Variants in ABCA12 observed in about 807,000 individuals in gnomAD.
ABCA12 encodes ATP binding cassette subfamily A member 12, also known as glucosylceramide transporter ABCA12.
ABCA12 carries 156 observed loss-of-function variants against 293.5 expected under a neutral mutation model. The ratio of observed to expected loss-of-function variants is 0.53; its 90% CI spans 0.47 to 0.61. The LOEUF (loss-of-function observed/expected upper bound fraction) is 0.61. Ranked by LOEUF, ABCA12 falls within the 20% of genes least tolerant of loss-of-function variation. The pLI is 0.00. For synonymous variants in ABCA12, 1,063 were observed against 1,108.0 expected (o/e 0.96, Z 0.81); for missense variants, 2,797 against 3,090.2 (o/e 0.91, Z 2.25).
In ABCA12 at chr2:214,989,613, C is replaced by A. The variant is rs1159233704; in HGVS notation, c.3633G>T (p.Leu1211=). ...SYVLKVFMSL[L]SPTAFSYASQ... is the part of the protein sequence containing the mutation. ...TTGCATAGCTGAATGCTGTTGGGGA[C>A]AGCAGGCTCTGTGAAGAAAGGAAAC... Residue 1211 remains leucine (L), a synonymous_variant, in exon 25 of 53, where the codon CTG becomes CTT. Transcript: ENST00000272895. 6.2e-7 allele frequency: 1 copy of A among 1,613,928 alleles called. No individual in the cohort carries two copies.
intron 15 of ABCA12, among the ~76,000 whole-genome samples, chr2:215,014,637 G>A (rs2106005941): frequency 6.6e-6 from 1 of 152,186 alleles, no homozygotes; most frequent in South Asian, 2.1e-4. Flanking sequence ...AGGGGTAGAG[G>A]GTAGGTGTGG....
chr2:215,030,524 A>AAGCCG (rs752910746), intron 9 of ABCA12, among the ~76,000 whole-genome samples: 2 of 151,806 alleles, frequency 1.3e-5, no homozygotes, highest in African/African-American at 2.4e-5. Flanking sequence ...GAATGGCGTG[A>AAGCCG]AGCCGGGAGG....
intron 7 of ABCA12, among the ~76,000 whole-genome samples, chr2:215,039,351 G>A (rs1189304856): frequency 6.6e-6 from 1 of 152,202 alleles, no homozygotes; most frequent in Non-Finnish European, 1.5e-5. Flanking sequence ...ACAGTCATTT[G>A]TGAGAAAATT....
rs1308413993 is a variant in ABCA12 at position 215,026,808 on chromosome 2, G to T, written c.1180+12C>A. 2 of 1,565,578 alleles carry T rather than the reference G, an allele frequency of 1.3e-6. No individual in the cohort carries two copies. The highest frequency in any genetic ancestry group is 3.3e-5 in the Admixed American group (2 of 59,942). ...CCATGAGCAGCATTTTGACTGTTAA[G>T]AACAGTATTACCTGGTGAACCTCTG... On this transcript the variant is annotated intron_variant, in intron 10 of 52. Coordinates refer to ENST00000272895, the MANE Select transcript of ABCA12 (RefSeq NM_173076.3).
intron 1 of ABCA12, among the ~76,000 whole-genome samples, chr2:215,125,865 C>T (rs1046658954): frequency 9.2e-5 from 14 of 152,122 alleles, no homozygotes; most frequent in Non-Finnish European, 2.1e-4. Context: ...ACATCCTTGT[C>T]TTGTTCCAGT....
chr2:215,025,437 A>C, intron 11 of ABCA12: 1 of 453,160 alleles, frequency 2.2e-6, no homozygotes, highest in South Asian at 2.3e-5. Flanking sequence ...CTGGAATTAC[A>C]GGCATGAGCC....
In ABCA12 at chr2:214,950,699, T is replaced by C. The variant is rs113858160; in HGVS notation, c.6852+180A>G. ...TTTCTATTTTCAGTAGAGACGTGGT[T>C]TCACCATGTTGGCCAGGCTGGTCTC... On this transcript the variant is annotated intron_variant, in intron 45 of 52. Coordinates refer to ENST00000272895, the MANE Select transcript of ABCA12 (RefSeq NM_173076.3). Among the ~76,000 whole-genome samples, 3,480 of 151,950 alleles carry C rather than the reference T, an allele frequency of 0.023. 142 individuals carry two copies. The highest frequency in any genetic ancestry group is 0.079 in the African/African-American group (3,259 of 41,398).
At chr2:214,947,048 A>C (rs1698602717) in intron 48 of ABCA12, among the ~76,000 whole-genome samples, 1 of 152,172 alleles carries the variant, frequency 6.6e-6, no homozygotes. Context: ...TTACCTACTC[A>C]GTTCCTAACA....
At chr2:215,113,582 G>A (rs1278811374) in intron 1 of ABCA12, among the ~76,000 whole-genome samples, 2 of 152,164 alleles carry the variant, frequency 1.3e-5, no homozygotes, top group African/African-American at 2.4e-5. Context: ...GGATCTAGAT[G>A]TATGCCACCC....
chr2:214,967,070 T>C (rs546624770), intron 38 of ABCA12, 117 bp from the exon 39 acceptor site: 6 of 875,752 alleles, frequency 6.9e-6, no homozygotes, highest in South Asian at 5.8e-5. Context: ...TTCCAATAAT[T>C]TATTTTATCT....
Position 214,981,570 on chromosome 2 carries a change from C to T in ABCA12, c.4579+617G>A, listed in dbSNP as rs531722461. On this transcript the variant is annotated intron_variant, in intron 30 of 52. Coordinates refer to ENST00000272895, the MANE Select transcript of ABCA12 (RefSeq NM_173076.3). ...AGTGCTCAACTCACAGCGGGCAGTA[C>T]ATAGATATTAACCAATTGACCCAGA... Among the ~76,000 whole-genome samples, 128 of 152,170 alleles carry T rather than the reference C, an allele frequency of 8.4e-4. 1 individual carries two copies. Among genetic ancestry groups the T allele is most frequent in the Non-Finnish European group, 1.6e-3 (110 of 68,014 alleles).
chr2:214,991,774 C>T (rs532822011), intron 23 of ABCA12, among the ~76,000 whole-genome samples: 10 of 152,278 alleles, frequency 6.6e-5, no homozygotes, highest in Admixed American at 1.3e-4. Context: ...GAGGCCAAGG[C>T]GTTCCACAAG....
chr2:214,970,129 C>T, intron 37 of ABCA12, 144 bp downstream of exon 37: 2 of 766,872 alleles, frequency 2.6e-6, no homozygotes, highest in Non-Finnish European at 3.9e-6. Flanking sequence ...ATTTACATTT[C>T]AATATATAAG....
chr2:215,057,089 C>G (rs1428042497), intron 3 of ABCA12, among the ~76,000 whole-genome samples: 2 of 151,952 alleles, frequency 1.3e-5, no homozygotes, highest in East Asian at 3.9e-4. Flanking sequence ...AGTATAGGAC[C>G]ATAAGATCTG....
At chr2:214,984,250 C>A (rs541967784) in intron 28 of ABCA12, among the ~76,000 whole-genome samples, 2 of 152,154 alleles carry the variant, frequency 1.3e-5, no homozygotes, top group Admixed American at 6.5e-5. Flanking sequence ...GCATGTGCCA[C>A]CACGCCCGGC....
At position 215,055,578 on chromosome 2, in the gene ABCA12, G is replaced by A. The variant is rs868071320; in HGVS notation, c.318-914C>T. Among the ~76,000 whole-genome samples, 22 of 151,972 alleles carry A rather than the reference G, an allele frequency of 1.4e-4. No individual in the cohort carries two copies. In the South Asian group the frequency reaches 2.9e-3, roughly 20 times the overall value. On this transcript the variant is annotated intron_variant, in intron 3 of 52. Coordinates refer to ENST00000272895, the MANE Select transcript of ABCA12 (RefSeq NM_173076.3). ...GTTATTTATAAAAACCTTAAGGTACGTAACAATGGCTATAAAAAGATAATG... is the reference window on the plus strand; with the variant it reads ...GTTATTTATAAAAACCTTAAGGTACATAACAATGGCTATAAAAAGATAATG...
chr2:214,969,253 T>C (rs1406963912), intron 37 of ABCA12, among the ~76,000 whole-genome samples: 1 of 152,106 alleles, frequency 6.6e-6, no homozygotes, highest in Non-Finnish European at 1.5e-5. Flanking sequence ...TCCCCAGACA[T>C]TATACATTTT....
At chr2:215,024,173 C>T (rs1372824286) in intron 11 of ABCA12, among the ~76,000 whole-genome samples, 2 of 152,286 alleles carry the variant, frequency 1.3e-5, no homozygotes, top group Middle Eastern at 6.8e-3. Flanking sequence ...TTCTTCTCTC[C>T]ACCTCTATCC....
intron 19 of ABCA12, among the ~76,000 whole-genome samples, chr2:215,006,987 T>C (rs556430709): frequency 6.6e-6 from 1 of 150,888 alleles, no homozygotes; most frequent in Non-Finnish European, 1.5e-5. Flanking sequence ...GCGATTCTTC[T>C]GCCTCAGCCT....
Sources: gnomAD v4.1 joint callset for allele counts (sites outside exome capture counted in the v4.1 genomes callset) on GRCh38, gnomAD v4.1.1 for gene constraint, MANE v1.5 for transcripts, NCBI Gene and HGNC (gene_info 2026-07-23, HGNC 2026-07-21) for gene names.